The following ECM2 variants were observed in gnomAD, a reference collection of about 807,000 sequenced individuals.
ECM2 encodes the protein extracellular matrix protein 2.
Under a neutral mutation model 67.5 loss-of-function variants are expected in ECM2, and 57 were observed. That is an observed-to-expected ratio of 0.84 (90% confidence interval 0.68 to 1.05). The LOEUF (loss-of-function observed/expected upper bound fraction) is 1.05. Ranked by LOEUF, ECM2 falls within the 50% of genes least tolerant of loss-of-function variation. The pLI is 0.00. For missense variants in ECM2, 741 were observed against 822.8 expected, an observed-to-expected ratio of 0.90 and a Z score of 1.22; for synonymous variants, 258 against 294.5, an observed-to-expected ratio of 0.88 and a Z score of 1.27.
chr9:92,532,013 A>ATTT (rs1368397928), intron 1 of ECM2, among the ~76,000 whole-genome samples: 43 of 68,864 alleles, frequency 6.2e-4, no homozygotes, highest in African/African-American at 3.4e-3. Context: ...TTTTTATTTA[A>ATTT]TGTTTTTTTT....
intron 9 of ECM2, among the ~76,000 whole-genome samples, 180 bp from the exon 10 acceptor site, chr9:92,496,663 A>G (rs569012301): frequency 6.6e-6 from 1 of 152,360 alleles, no homozygotes; most frequent in African/African-American, 2.4e-5. Context: ...TAGAAGCACT[A>G]GAACAGACTG....
Position 92,495,607 on chromosome 9 carries a change from T to G in ECM2, c.*708A>C. On this transcript the variant is annotated 3_prime_UTR_variant, in exon 10 of 10. Transcript: ENST00000344604. ...AGGTAATCTTAATATACTGTTTAAC[T>G]TTAAAAAATAATTTTAGAATTATAG... The G allele has an allele frequency of 1.3e-5, 13 of 963,580 alleles. No individual in the cohort carries two copies. Among genetic ancestry groups the G allele is most frequent in the Non-Finnish European group, 1.5e-5 (12 of 810,088 alleles). 59.7% of individuals were successfully genotyped at this position (963,580 alleles called of 1,614,324 possible).
the ECM2 span, among the ~76,000 whole-genome samples, chr9:92,545,777 T>C: frequency 2.6e-5 from 4 of 152,196 alleles, no homozygotes; most frequent in South Asian, 2.1e-4. Context: ...ATTGTAGATA[T>C]ACCAGTCAGC....
intron 1 of ECM2, among the ~76,000 whole-genome samples, chr9:92,533,328 A>AAAAAAAATATATATATAT (rs1554683138): frequency 1.8e-4 from 7 of 38,322 alleles, no homozygotes; most frequent in Non-Finnish European, 2.6e-4. Flanking sequence ...AAAAAAAAAA[A>AAAAAAAATATATATATAT]ATATATATAT....
intron 1 of ECM2, among the ~76,000 whole-genome samples, chr9:92,531,192 G>A (rs1259776015): frequency 1.3e-5 from 2 of 151,910 alleles, no homozygotes; most frequent in African/African-American, 2.4e-5. Context: ...CATGTTCTAT[G>A]TTCCTTTTTC....
At chr9:92,536,501 A>G (rs745738627), upstream of ECM2, 6 of 153,246 alleles carry the variant, frequency 3.9e-5, no homozygotes, top group Non-Finnish European at 7.3e-5. Context: ...GACAACAACA[A>G]AAAAATGGTT....
intron 7 of ECM2, among the ~76,000 whole-genome samples, chr9:92,505,170 G>A (rs1846925476): frequency 6.6e-6 from 1 of 152,202 alleles, no homozygotes; most frequent in South Asian, 2.1e-4. Context: ...GTTAATACCT[G>A]TTTGAGCTTC....
intron 1 of ECM2, among the ~76,000 whole-genome samples, chr9:92,530,711 G>C (rs1457246724): frequency 6.6e-6 from 1 of 150,948 alleles, no homozygotes; most frequent in East Asian, 1.9e-4. Flanking sequence ...TTTCTTTTTT[G>C]ACTTTTTAGA....
At chr9:92,545,392 G>T in the ECM2 span, among the ~76,000 whole-genome samples, 6 of 152,176 alleles carry the variant, frequency 3.9e-5, no homozygotes, top group African/African-American at 1.4e-4. Flanking sequence ...TTAGCACCCC[G>T]GCCAGCAGCT....
chr9:92,495,533 ACT>A lies in ECM2; in HGVS notation c.*780_*781del, dbSNP rs1846304736. The A allele has an allele frequency of 6.1e-6, 6 of 982,200 alleles. No individual in the cohort carries two copies. Among genetic ancestry groups the A allele is most frequent in the African/African-American group, 5.3e-5 (3 of 57,138 alleles). The allele number at this position is 982,200 out of a possible 1,614,324, so 60.8% of individuals were successfully genotyped here. ...AATAATTAATTTGTATTTTAAGCAA[ACT>A]CTACTGCTTTTCAAAAAATGTCTTA... On this transcript the variant is annotated 3_prime_UTR_variant, in exon 10 of 10. Coordinates refer to ENST00000344604, the MANE Select transcript of ECM2 (RefSeq NM_001393.4).
intron 1 of ECM2, among the ~76,000 whole-genome samples, chr9:92,532,015 G>GTTTTTTTTGTTTTT (rs1563990161): frequency 1.0e-5 from 1 of 95,736 alleles, no homozygotes; most frequent in Non-Finnish European, 1.9e-5. Context: ...TTTATTTAAT[G>GTTTTTTTTGTTTTT]TTTTTTTTTT....
At chr9:92,517,663 T>C (rs1332269432) in intron 3 of ECM2, 24 bp downstream of exon 3, 1 of 1,613,560 alleles carries the variant, frequency 6.2e-7, no homozygotes, top group Non-Finnish European at 8.5e-7. Context: ...CACACTGATA[T>C]TTTGCTTAGC....
downstream of ECM2, chr9:92,494,192 G>A (rs1472059323): frequency 1.3e-6 from 2 of 1,579,364 alleles, no homozygotes; most frequent in Non-Finnish European, 1.7e-6. Flanking sequence ...GAATCGTTTA[G>A]TATCTGTCTC....
At chr9:92,516,766 C>CT (rs932645587) in intron 3 of ECM2, 3 of 152,146 alleles carry the variant, frequency 2.0e-5, no homozygotes, top group African/African-American at 7.2e-5. Flanking sequence ...TCATTGAACA[C>CT]TTTTTTCCTA....
At position 92,495,315 on chromosome 9, in the gene ECM2, T is replaced by G; in HGVS notation, c.*1000A>C. On this transcript the variant is annotated 3_prime_UTR_variant, in exon 10 of 10. Transcript: ENST00000344604. ...TTTAGCAATACAAAGATAAAAATCA[T>G]TATGTTAGAAAATTTTAATATATGA... 1.2e-6 allele frequency: 1 copy of G among 867,624 alleles called. No individual in the cohort carries two copies. The highest frequency in any genetic ancestry group is 5.3e-5 in the South Asian group (1 of 18,770). 53.7% of individuals were successfully genotyped at this position (867,624 alleles called of 1,614,324 possible).
At chr9:92,509,747 A>G in intron 6 of ECM2, 152 bp downstream of exon 6, 2 of 730,428 alleles carry the variant, frequency 2.7e-6, no homozygotes, top group Non-Finnish European at 4.1e-6. Flanking sequence ...TTACCAGTCA[A>G]TAGTTAAAAG....
At chr9:92,533,303 C>CAA (rs1174584000) in intron 1 of ECM2, among the ~76,000 whole-genome samples, 475 of 29,884 alleles carry the variant, frequency 0.016, 33 homozygotes, top group Non-Finnish European at 0.022. Context: ...CGGTCTCAAA[C>CAA]AAAAAAAAAA....
intron 6 of ECM2, among the ~76,000 whole-genome samples, chr9:92,508,577 A>G (rs1368145451): frequency 6.6e-6 from 1 of 152,200 alleles, no homozygotes; most frequent in Non-Finnish European, 1.5e-5. Flanking sequence ...TAAATTGCTG[A>G]CACCCTTTGG....
intron 5 of ECM2, among the ~76,000 whole-genome samples, chr9:92,511,367 C>CA (rs1563976603): frequency 2.4e-5 from 3 of 124,312 alleles, no homozygotes; most frequent in African/African-American, 8.4e-5. Flanking sequence ...CCTCATGATC[C>CA]GCCCATCTTG....
Sources: allele counts gnomAD v4.1 joint callset (sites outside exome capture counted in the v4.1 genomes callset), GRCh38; gene constraint gnomAD v4.1.1; transcripts MANE v1.5; gene names NCBI Gene and HGNC (gene_info 2026-07-23, HGNC 2026-07-21).